The following GBF1 variants were observed in gnomAD, a reference collection of about 807,000 sequenced individuals.
GBF1 encodes the protein golgi brefeldin A resistant guanine nucleotide exchange factor 1, also known as Golgi-specific brefeldin A-resistance guanine nucleotide exchange factor 1.
GBF1 carries 114 observed loss-of-function variants against 210.5 expected under a neutral mutation model. That is an observed-to-expected ratio of 0.54 (90% CI 0.47 to 0.63). The LOEUF is 0.63. GBF1 is among the 30% of genes least tolerant of loss of function. The pLI is 0.00. For missense variants in GBF1, 1,851 were observed against 2,357.7 expected (o/e 0.79, Z 4.45); for synonymous variants, 850 against 889.2 (o/e 0.96, Z 0.78).
intron 31 of GBF1, 61 bp downstream of exon 31, chr10:102,376,493 G>T: frequency 6.2e-7 from 1 of 1,609,894 alleles, no homozygotes; most frequent in East Asian, 2.2e-5. Flanking sequence ...AAGAATTCCT[G>T]GTCCTCTGCA....
chr10:102,231,466 G>T, the GBF1 span: 1 of 674,434 alleles, frequency 1.5e-6, no homozygotes, highest in Non-Finnish European at 2.5e-6. Flanking sequence ...GCGGCCGGGA[G>T]CCAGGGTCCG....
chr10:102,273,370 T>A (rs1476134458), intron 3 of GBF1, among the ~76,000 whole-genome samples: 2 of 152,036 alleles, frequency 1.3e-5, no homozygotes, highest in African/African-American at 4.8e-5. Context: ...AAAAAAGAAA[T>A]TATCAGTGTA....
chr10:102,244,674 AAGGCAGACCGGG>A (rs1209225010), upstream of GBF1, among the ~76,000 whole-genome samples: 5 of 152,122 alleles, frequency 3.3e-5, no homozygotes, highest in Non-Finnish European at 2.9e-5. Context: ...CTTGGTATGA[AAGGCAGACCGGG>A]AGTCAAAGCC....
At chr10:102,347,673 C>T (rs2058668193) in intron 4 of GBF1, among the ~76,000 whole-genome samples, 2 of 152,106 alleles carry the variant, frequency 1.3e-5, no homozygotes, top group African/African-American at 4.8e-5. Context: ...GGCAGATTTC[C>T]CTGAAGTTGG....
chr10:102,282,391 G>A (rs2075582874), intron 3 of GBF1, among the ~76,000 whole-genome samples: 2 of 152,042 alleles, frequency 1.3e-5, no homozygotes, highest in South Asian at 4.1e-4. Context: ...TTATGATTTG[G>A]AAAAAGGCGA....
At chr10:102,330,696 AT>A (rs761991468) in intron 3 of GBF1, among the ~76,000 whole-genome samples, 1 of 152,166 alleles carries the variant, frequency 6.6e-6, no homozygotes, top group Non-Finnish European at 1.5e-5. Flanking sequence ...CAAAAAAAAA[AT>A]AAATAAAAAT....
chr10:102,355,400 T>C (rs1589755525), intron 8 of GBF1, among the ~76,000 whole-genome samples: 2 of 152,248 alleles, frequency 1.3e-5, no homozygotes, highest in Admixed American at 6.5e-5. Flanking sequence ...GCTCCTTTTT[T>C]GTAAAGCTTA....
rs570858787 is a variant in GBF1, at chr10:102,322,920, A to G, written c.164-21131A>G. Among the ~76,000 whole-genome samples, 9 of 152,068 alleles carry G rather than the reference A, an allele frequency of 5.9e-5. No individual in the cohort carries two copies. In the South Asian group the frequency reaches 1.9e-3, roughly 32 times the overall value. On this transcript the variant is annotated intron_variant, in intron 3 of 39. Transcript: ENST00000369983. ...TGACAGAGCAAGACTGTCTCAAAGT[A>G]ATAATAATAATAAGAAGAAGACAAA...
rs933292223 is a variant in GBF1 at position 102,366,106 on chromosome 10, C to T, written c.2310-277C>T. Among the ~76,000 whole-genome samples the T allele has an allele frequency of 2.6e-5, 4 of 152,158 alleles. No individual in the cohort carries two copies. The highest frequency in any genetic ancestry group is 3.8e-4 in the East Asian group (2 of 5,196). ...CTATTGGACCTGAAAGGGACTCCAACGAGATAGTTTGGGGAGCCCCCTCCA... is the reference window on the plus strand; with the variant it reads ...CTATTGGACCTGAAAGGGACTCCAATGAGATAGTTTGGGGAGCCCCCTCCA... On this transcript the variant is annotated intron_variant, in intron 18 of 39. Coordinates refer to ENST00000369983, the MANE Select transcript of GBF1 (RefSeq NM_001377137.1). The surrounding 1 kb of genome is among the most constrained non-coding windows in gnomAD (Gnocchi z 4.0).
upstream of GBF1, among the ~76,000 whole-genome samples, chr10:102,241,823 C>T (rs1211102614): frequency 6.6e-6 from 1 of 152,258 alleles, no homozygotes; most frequent in African/African-American, 2.4e-5. The surrounding 1 kb of genome is among the most constrained non-coding windows in gnomAD (Gnocchi z 6.7). Flanking sequence ...GTCCCGGTAG[C>T]CACGGGTAAA....
chr10:102,365,256 C>A, intron 17 of GBF1, 141 bp from the exon 18 acceptor site: 1 of 641,242 alleles, frequency 1.6e-6, no homozygotes, highest in Non-Finnish European at 2.8e-6. Context: ...TATGATCTAG[C>A]CTTAGTTCTG....
At chr10:102,304,252 C>T (rs1438858843) in intron 3 of GBF1, among the ~76,000 whole-genome samples, 1 of 152,120 alleles carries the variant, frequency 6.6e-6, no homozygotes, top group Non-Finnish European at 1.5e-5. Flanking sequence ...TCTTTGAATA[C>T]TTACTTGTTT....
At chr10:102,270,801 A>G (rs1300883376) in intron 3 of GBF1, among the ~76,000 whole-genome samples, 2 of 152,192 alleles carry the variant, frequency 1.3e-5, no homozygotes, top group Non-Finnish European at 2.9e-5. Context: ...AATTGGTTTT[A>G]GAAACCAAAA....
chr10:102,266,776 G>T (rs1589422621), intron 3 of GBF1, among the ~76,000 whole-genome samples: 1 of 152,366 alleles, frequency 6.6e-6, no homozygotes, highest in East Asian at 1.9e-4. Flanking sequence ...AATTCTGGGG[G>T]ATAGGATATT....
intron 3 of GBF1, among the ~76,000 whole-genome samples, chr10:102,301,343 T>G (rs1018175786): frequency 1.3e-5 from 2 of 152,236 alleles, no homozygotes; most frequent in African/African-American, 4.8e-5. Context: ...GAATTTTTCT[T>G]AGTACAGAAC....
intron 7 of GBF1, 26 bp from the exon 8 acceptor site, chr10:102,353,574 C>A: frequency 4.6e-6 from 7 of 1,516,014 alleles, no homozygotes; most frequent in Non-Finnish European, 6.4e-6. Context: ...TCCCTAATGA[C>A]AGTTGATGGA....
intron 12 of GBF1, 89 bp downstream of exon 12, chr10:102,360,484 G>A: frequency 3.5e-6 from 3 of 858,544 alleles, no homozygotes; most frequent in Non-Finnish European, 5.8e-6. Context: ...AAGAGTATAG[G>A]ACCTAGGAAA....
chr10:102,259,099 A>G (rs942155123), intron 2 of GBF1, 65 bp downstream of exon 2: 5 of 838,508 alleles, frequency 6.0e-6, no homozygotes, highest in Non-Finnish European at 8.4e-6. Context: ...TGGCATGGTT[A>G]AAAGAGTAAT....
chr10:102,283,263 A>G (rs1254390497), intron 3 of GBF1, among the ~76,000 whole-genome samples: 3 of 152,188 alleles, frequency 2.0e-5, no homozygotes, highest in Non-Finnish European at 4.4e-5. Context: ...CTTTTATTAT[A>G]TGTAGCTATG....
Sources: gnomAD v4.1 joint callset for allele counts (sites outside exome capture counted in the v4.1 genomes callset) on GRCh38, gnomAD v4.1.1 for gene constraint, Gnocchi (gnomAD v3.1) non-coding constraint, MANE v1.5 for transcripts, NCBI Gene and HGNC (gene_info 2026-07-23, HGNC 2026-07-21) for gene names.